The following TNIK variants were observed in gnomAD, a reference collection of about 807,000 sequenced individuals.
The protein encoded by TNIK is TRAF2 and NCK-interacting protein kinase.
In TNIK, 49 loss-of-function variants were observed where a neutral mutation model predicts 191.3. The observed-to-expected ratio is 0.26, with a 90% CI of 0.20 to 0.32. The LOEUF is 0.32. Ranked by LOEUF, TNIK falls within the 10% of genes least tolerant of loss-of-function variation. TNIK has a pLI of 1.00. For synonymous variants in TNIK, 594 were observed against 600.9 expected (o/e 0.99, Z 0.17); for missense variants, 1,155 against 1,702.3 (o/e 0.68, Z 5.66).
chr3:171,266,479 C>T (rs1032417736), intron 2 of TNIK, among the ~76,000 whole-genome samples: 2 of 152,132 alleles, frequency 1.3e-5, no homozygotes, highest in African/African-American at 4.8e-5. Context: ...CCTTAGGTTG[C>T]CCCCAACCCA....
chr3:171,195,718 A>G (rs905687457), intron 4 of TNIK, among the ~76,000 whole-genome samples: 1 of 152,152 alleles, frequency 6.6e-6, no homozygotes, highest in African/African-American at 2.4e-5. Flanking sequence ...GCCTGTTCTG[A>G]CTTGTCTTCT....
intron 21 of TNIK, 60 bp downstream of exon 21, chr3:171,107,123 A>G: frequency 6.4e-7 from 1 of 1,550,932 alleles, no homozygotes; most frequent in Non-Finnish European, 8.8e-7. Context: ...TGTCAACATT[A>G]GGAAATAAGT....
At position 171,078,483 on chromosome 3, in the gene TNIK, C is replaced by CT. The variant is rs138211654; in HGVS notation, c.3448+1034dup. On this transcript the variant is annotated intron_variant, in intron 28 of 32. Transcript: ENST00000436636. ...ATGACTTTCCCCTACTTTGTTCTAC[C>CT]TTTTTTTTTAACAGCCCTTTTCTTG... Among the ~76,000 whole-genome samples, 964 of 150,826 alleles carry CT rather than the reference C, an allele frequency of 6.4e-3. 6 individuals carry two copies. Among genetic ancestry groups the CT allele is most frequent in the African/African-American group, 0.015 (613 of 41,196 alleles).
intron 1 of TNIK, among the ~76,000 whole-genome samples, chr3:171,435,667 C>G (rs1282857693): frequency 1.3e-5 from 2 of 152,106 alleles, no homozygotes; most frequent in Non-Finnish European, 2.9e-5. Context: ...GTCCTTTGGT[C>G]TACTAATATG....
chr3:171,404,359 TA>T (rs5854425), intron 1 of TNIK, among the ~76,000 whole-genome samples: 67,675 of 151,896 alleles, frequency 0.45, 15,658 homozygotes, highest in Non-Finnish European at 0.49. Context: ...GAGGAATAAG[TA>T]AAAAAATTAA....
intron 28 of TNIK, among the ~76,000 whole-genome samples, chr3:171,079,050 T>C (rs996177966): frequency 4.6e-5 from 7 of 152,298 alleles, no homozygotes; most frequent in African/African-American, 1.7e-4. Context: ...CACTTCCACC[T>C]GAGATTCCCC....
At chr3:171,231,312 G>A (rs1176676450) in intron 2 of TNIK, among the ~76,000 whole-genome samples, 1 of 139,774 alleles carries the variant, frequency 7.2e-6, no homozygotes, top group South Asian at 2.1e-4. Flanking sequence ...TGTTGTTGTT[G>A]TTTTGTTTTT....
In TNIK at chr3:171,316,760, T is replaced by C. The variant is rs563283136; in HGVS notation, c.123+52860A>G. 5.3e-4 allele frequency among the ~76,000 whole-genome samples: 81 copies of C among 152,132 alleles called. 1 individual carries two copies. Among genetic ancestry groups the C allele is most frequent in the African/African-American group, 1.8e-3 (75 of 41,536 alleles). ...AGGAATGGTTCATACATTGATCTTT[T>C]GTGTCCTCCTGCCTGAATGATAGTT... On this transcript the variant is annotated intron_variant, in intron 2 of 32. Coordinates refer to ENST00000436636, the MANE Select transcript of TNIK (RefSeq NM_015028.4).
intron 1 of TNIK, among the ~76,000 whole-genome samples, chr3:171,380,223 G>A (rs1717854502): frequency 6.6e-6 from 1 of 152,120 alleles, no homozygotes; most frequent in South Asian, 2.1e-4. Context: ...GATCCTTCCA[G>A]ACCTGTCAGG....
At chr3:171,340,411 T>C (rs1757398787) in intron 2 of TNIK, among the ~76,000 whole-genome samples, 1 of 152,206 alleles carries the variant, frequency 6.6e-6, no homozygotes, top group African/African-American at 2.4e-5. Context: ...GAGATCTGAA[T>C]TACTAACCTG....
chr3:171,113,785 TAATG>T (rs1033799739), intron 18 of TNIK, among the ~76,000 whole-genome samples: 20 of 152,186 alleles, frequency 1.3e-4, no homozygotes, highest in African/African-American at 3.4e-4. Flanking sequence ...TGAGATATGA[TAATG>T]AACGGGACAC....
At chr3:171,448,606 T>C (rs1384399002) in intron 1 of TNIK, among the ~76,000 whole-genome samples, 1 of 150,630 alleles carries the variant, frequency 6.6e-6, no homozygotes, top group African/African-American at 2.5e-5. Flanking sequence ...ACGTCCTTAG[T>C]TCTCTTGGGC....
chr3:171,239,538 G>C (rs1470922358), intron 2 of TNIK, among the ~76,000 whole-genome samples: 1 of 152,206 alleles, frequency 6.6e-6, no homozygotes, highest in Non-Finnish European at 1.5e-5. Flanking sequence ...GTGTATGAAA[G>C]AAATAATTAT....
At chr3:171,247,913 G>A (rs1293826281) in intron 2 of TNIK, among the ~76,000 whole-genome samples, 1 of 152,152 alleles carries the variant, frequency 6.6e-6, no homozygotes, top group African/African-American at 2.4e-5. Context: ...CTATGTGGAG[G>A]CAAAGAGGGT....
At chr3:171,177,065 T>C (rs1308047529) in intron 8 of TNIK, among the ~76,000 whole-genome samples, 1 of 152,132 alleles carries the variant, frequency 6.6e-6, no homozygotes, top group East Asian at 1.9e-4. Context: ...GTACAGAATC[T>C]GTAAAACAAA....
At chr3:171,419,778 A>G (rs185699214) in intron 1 of TNIK, among the ~76,000 whole-genome samples, 79 of 152,340 alleles carry the variant, frequency 5.2e-4, no homozygotes, top group Non-Finnish European at 1.0e-3. Flanking sequence ...ACTAATGGTC[A>G]TTGTTGAATA....
chr3:171,381,230 C>A (rs1422542884), intron 1 of TNIK, among the ~76,000 whole-genome samples: 1 of 152,264 alleles, frequency 6.6e-6, no homozygotes, highest in East Asian at 1.9e-4. Context: ...TAAAGCCAGT[C>A]CTTTTGTCCC....
At chr3:171,109,909 A>AT (rs112705012) in intron 19 of TNIK, among the ~76,000 whole-genome samples, 1,979 of 145,972 alleles carry the variant, frequency 0.014, 18 homozygotes, top group African/African-American at 0.021. Context: ...GGAGTCAACA[A>AT]TTTTTTTTTT....
chr3:171,116,393 A>G (rs1422733871), intron 18 of TNIK, among the ~76,000 whole-genome samples: 1 of 152,258 alleles, frequency 6.6e-6, no homozygotes, highest in Non-Finnish European at 1.5e-5. Context: ...CTTTTAGTTC[A>G]GACATTTGCC....
Sources: allele counts gnomAD v4.1 joint callset (sites outside exome capture counted in the v4.1 genomes callset), GRCh38; gene constraint gnomAD v4.1.1; transcripts MANE v1.5; gene names NCBI Gene and HGNC (gene_info 2026-07-23, HGNC 2026-07-21).